Variants in B4GALNT2 observed in about 807,000 individuals in gnomAD.
B4GALNT2 encodes the protein N-acetylneuraminylgalactosylglucosyl-glucoside beta-1,4-N- acetylgalactosaminyltransferase 2.
A neutral mutation model predicts 51.1 loss-of-function variants in B4GALNT2; 42 were observed. That is an observed-to-expected ratio of 0.82 (90% CI 0.64 to 1.06). The LOEUF is 1.06. B4GALNT2 is among the 50% of genes least tolerant of loss of function. B4GALNT2 has a pLI of 0.00. For synonymous variants in B4GALNT2, 253 were observed against 251.7 expected (o/e 1.01, Z -0.05); for missense variants, 602 against 633.6 (o/e 0.95, Z 0.54).
At chr17:49,168,072 A>G (rs1236624582) in intron 9 of B4GALNT2, among the ~76,000 whole-genome samples, 2 of 152,224 alleles carry the variant, frequency 1.3e-5, no homozygotes, top group Non-Finnish European at 2.9e-5. Flanking sequence ...ATTAAAAGGA[A>G]GAGGGAAAGA....
chr17:49,169,549 C>T lies in B4GALNT2; in HGVS notation c.1342C>T (p.Leu448=). Reference sequence around the variant, plus strand: ...ATTCTTCATTGATGGGCTAGGGACCCTACTCGTGGGGTCATGCCCAGAAGT... The same window carrying T: ...ATTCTTCATTGATGGGCTAGGGACCTTACTCGTGGGGTCATGCCCAGAAGT... ...SEFFIDGLGT[L]LVGSCPEVII... The change falls in exon 11 of 11, where the codon CTA becomes TTA. Residue 448 remains leucine, a synonymous_variant. Coordinates refer to ENST00000393354, the MANE Select transcript of B4GALNT2 (RefSeq NM_001159387.2). 1.9e-6 allele frequency: 3 copies of T among 1,612,290 alleles called. No individual in the cohort carries two copies. Among genetic ancestry groups the T allele is most frequent in the South Asian group, 1.1e-5 (1 of 91,004 alleles).
At chr17:49,125,820 T>G in the B4GALNT2 span, among the ~76,000 whole-genome samples, 348 of 17,512 alleles carry the variant, frequency 0.02, no homozygotes, top group Non-Finnish European at 0.026. Flanking sequence ...CGGCCGCCCC[T>G]ACTGGGAAGT....
At chr17:49,158,211 G>T (rs2042828150) in intron 5 of B4GALNT2, among the ~76,000 whole-genome samples, 1 of 152,182 alleles carries the variant, frequency 6.6e-6, no homozygotes, top group Non-Finnish European at 1.5e-5. Context: ...GTGAGGGTGG[G>T]AGGAAACAGG....
the B4GALNT2 span, among the ~76,000 whole-genome samples, chr17:49,125,708 T>G: frequency 4.1e-5 from 4 of 96,660 alleles, no homozygotes; most frequent in Non-Finnish European, 6.6e-5. Flanking sequence ...GAGGTGGGGG[T>G]CGGCCCCCGC....
At chr17:49,143,969 G>A (rs953498527) in intron 3 of B4GALNT2, among the ~76,000 whole-genome samples, 2 of 152,128 alleles carry the variant, frequency 1.3e-5, no homozygotes, top group Non-Finnish European at 2.9e-5. Flanking sequence ...GCAACATGGC[G>A]AAACTCCATC....
At chr17:49,133,130 T>C in intron 1 of B4GALNT2, 1 of 1,527,544 alleles carries the variant, frequency 6.5e-7, no homozygotes, top group South Asian at 1.3e-5. Context: ...GGCTCGGGAG[T>C]GCGGGCTTCG....
chr17:49,134,652 A>G (rs983049749), intron 1 of B4GALNT2, among the ~76,000 whole-genome samples: 3 of 152,136 alleles, frequency 2.0e-5, no homozygotes, highest in Non-Finnish European at 2.9e-5. Flanking sequence ...CAGTGGCGCA[A>G]TCTCGGCTCA....
intron 9 of B4GALNT2, 124 bp from the exon 10 acceptor site, chr17:49,168,557 G>A: frequency 1.0e-6 from 1 of 980,584 alleles, no homozygotes; most frequent in Non-Finnish European, 1.5e-6. Context: ...GGGATAATTT[G>A]AAGGATAGAC....
intron 9 of B4GALNT2, 74 bp from the exon 10 acceptor site, chr17:49,168,607 A>G: frequency 7.2e-7 from 1 of 1,386,250 alleles, no homozygotes; most frequent in Non-Finnish European, 1.0e-6. Flanking sequence ...GGTGCAGTCC[A>G]GCGAGTCTTC....
intron 1 of B4GALNT2, among the ~76,000 whole-genome samples, chr17:49,136,088 A>AG (rs1197658252): frequency 6.6e-6 from 1 of 151,326 alleles, no homozygotes; most frequent in African/African-American, 2.4e-5. Flanking sequence ...GGATCAAAAA[A>AG]AAAAAAAAAG....
chr17:49,147,374 C>CTTTTTTTTTTTTTTTTT (rs1475311406), intron 3 of B4GALNT2, among the ~76,000 whole-genome samples: 1 of 143,894 alleles, frequency 6.9e-6, no homozygotes, highest in African/African-American at 2.5e-5. Flanking sequence ...TCTTTTCTTT[C>CTTTTTTTTTTTTTTTTT]TTTCTTTTTT....
At chr17:49,157,153 G>A (rs2042817856) in intron 5 of B4GALNT2, among the ~76,000 whole-genome samples, 1 of 152,102 alleles carries the variant, frequency 6.6e-6, no homozygotes, top group African/African-American at 2.4e-5. Context: ...TGGAGTTCTT[G>A]TTTCTCTATG....
chr17:49,134,626 G>C (rs1023052335), intron 1 of B4GALNT2, among the ~76,000 whole-genome samples: 1 of 150,404 alleles, frequency 6.6e-6, no homozygotes, highest in Non-Finnish European at 1.5e-5. Flanking sequence ...CTAGCTCTGT[G>C]GCCCAGGCTG....
chr17:49,166,446 C>T (rs2042912671), intron 9 of B4GALNT2, among the ~76,000 whole-genome samples, 192 bp downstream of exon 9: 1 of 152,062 alleles, frequency 6.6e-6, no homozygotes, highest in Non-Finnish European at 1.5e-5. Flanking sequence ...CTCACGCCTC[C>T]ATACTGACTT....
chr17:49,137,135 C>A (rs975711270), intron 1 of B4GALNT2, among the ~76,000 whole-genome samples: 4 of 151,694 alleles, frequency 2.6e-5, no homozygotes, highest in Non-Finnish European at 2.9e-5. Flanking sequence ...TAACTGTAAA[C>A]AACTTCCAAT....
intron 10 of B4GALNT2, 22 bp from the exon 11 acceptor site, chr17:49,169,501 T>C (rs1483316663): frequency 1.2e-6 from 2 of 1,605,420 alleles, no homozygotes; most frequent in South Asian, 2.2e-5. Context: ...CCCACTTCCT[T>C]CTGCTCTCCC....
chr17:49,147,481 C>T (rs554886631), intron 3 of B4GALNT2, among the ~76,000 whole-genome samples: 67 of 151,022 alleles, frequency 4.4e-4, no homozygotes, highest in African/African-American at 1.5e-3. Flanking sequence ...CTCAAGGGAT[C>T]CTCCCACCTC....
chr17:49,165,390 C>G (rs2042902176), intron 8 of B4GALNT2, among the ~76,000 whole-genome samples: 1 of 141,562 alleles, frequency 7.1e-6, no homozygotes, highest in Non-Finnish European at 1.5e-5. Context: ...CTCTCTTTCT[C>G]TCTTCTTCCC....
At chr17:49,145,544 T>G (rs751914409) in intron 3 of B4GALNT2, among the ~76,000 whole-genome samples, 2 of 152,244 alleles carry the variant, frequency 1.3e-5, no homozygotes, top group Non-Finnish European at 2.9e-5. Context: ...TTATCTTCTT[T>G]TACTACCCAT....
Sources: allele counts gnomAD v4.1 joint callset (sites outside exome capture counted in the v4.1 genomes callset), GRCh38; gene constraint gnomAD v4.1.1; transcripts MANE v1.5; gene names NCBI Gene and HGNC (gene_info 2026-07-23, HGNC 2026-07-21).